The following PDE4D variants were observed in gnomAD, a reference collection of about 807,000 sequenced individuals.
The protein encoded by PDE4D is 3',5'-cyclic-AMP phosphodiesterase 4D.
Under a neutral mutation model 87.4 loss-of-function variants are expected in PDE4D, and 24 were observed. The ratio of observed to expected loss-of-function variants is 0.27; its 90% confidence interval spans 0.20 to 0.39. The LOEUF (loss-of-function observed/expected upper bound fraction) is 0.39. Ranked by LOEUF, PDE4D falls within the 10% of genes least tolerant of loss-of-function variation. The pLI is 1.00. For missense variants in PDE4D, 714 were observed against 1,041.0 expected (o/e 0.69, Z 4.32); for synonymous variants, 384 against 383.2 (o/e 1.00, Z -0.02).
intron 1 of PDE4D, among the ~76,000 whole-genome samples, chr5:60,220,539 C>T (rs745749124): frequency 2.0e-5 from 3 of 152,106 alleles, no homozygotes; most frequent in Non-Finnish European, 4.4e-5. Flanking sequence ...GAGATTTTTA[C>T]ATTCTCCCTC....
chr5:59,338,343 T>A (rs1443116520), intron 1 of PDE4D, among the ~76,000 whole-genome samples: 1 of 152,186 alleles, frequency 6.6e-6, no homozygotes, highest in African/African-American at 2.4e-5. Flanking sequence ...AATAACAAGT[T>A]TCATTAGCGC....
At chr5:59,528,735 G>A (rs1310227616) in intron 1 of PDE4D, 1 of 167,916 alleles carries the variant, frequency 6.0e-6, no homozygotes, top group Non-Finnish European at 1.3e-5. Context: ...GAAAAGGAAA[G>A]AGATGTGATG....
chr5:59,752,805 G>A (rs78365854), intron 1 of PDE4D, among the ~76,000 whole-genome samples: 2 of 152,106 alleles, frequency 1.3e-5, no homozygotes, highest in African/African-American at 4.8e-5. Flanking sequence ...GCTTCAAAAC[G>A]AAGGATGTGA....
chr5:59,664,522 G>C (rs1346537524), intron 1 of PDE4D, among the ~76,000 whole-genome samples: 2 of 152,126 alleles, frequency 1.3e-5, no homozygotes, highest in Admixed American at 6.6e-5. Flanking sequence ...AAATTTAGCA[G>C]ACAGGAGAAA....
chr5:60,255,995 T>G (rs960121152), intron 1 of PDE4D, among the ~76,000 whole-genome samples: 1 of 151,948 alleles, frequency 6.6e-6, no homozygotes, highest in Non-Finnish European at 1.5e-5. Context: ...CCTGGACACA[T>G]TTGTTGTCAA....
At chr5:59,271,866 A>G (rs974271955) in intron 1 of PDE4D, among the ~76,000 whole-genome samples, 1 of 151,850 alleles carries the variant, frequency 6.6e-6, no homozygotes, top group Non-Finnish European at 1.5e-5. Context: ...CAATATGCAA[A>G]TACAGTGAAG....
intron 1 of PDE4D, among the ~76,000 whole-genome samples, chr5:60,298,615 CA>C (rs1386367302): frequency 1.3e-5 from 2 of 152,156 alleles, no homozygotes; most frequent in Admixed American, 6.5e-5. Context: ...CTGTGTTTTT[CA>C]CATCAATTTT....
At chr5:59,200,688 CATATGTGTATGTATAGATACACGTATACA>C (rs1747084940) in intron 2 of PDE4D, among the ~76,000 whole-genome samples, 2 of 93,266 alleles carry the variant, frequency 2.1e-5, no homozygotes, top group Non-Finnish European at 4.5e-5. Flanking sequence ...CGTATACATA[CATATGTGTATGTATAGATACACGTATACA>C]TACATATGTG....
intron 1 of PDE4D, among the ~76,000 whole-genome samples, chr5:60,294,993 G>A (rs1355516301): frequency 1.3e-5 from 2 of 152,038 alleles, no homozygotes; most frequent in Admixed American, 6.5e-5. Context: ...TCTGATCAAT[G>A]AGCAAAGTAT....
chr5:59,976,747 T>C (rs528797246), intron 3 of PDE4D, among the ~76,000 whole-genome samples: 3 of 152,360 alleles, frequency 2.0e-5, no homozygotes, highest in African/African-American at 7.2e-5. Flanking sequence ...AGCAAGTCTA[T>C]TGGCACCATT....
At chr5:59,348,381 A>G (rs987462407) in intron 1 of PDE4D, among the ~76,000 whole-genome samples, 4 of 152,126 alleles carry the variant, frequency 2.6e-5, no homozygotes, top group Non-Finnish European at 5.9e-5. Flanking sequence ...GCTGTTTGAA[A>G]TGGGCAGGTG....
intron 1 of PDE4D, among the ~76,000 whole-genome samples, chr5:59,555,090 T>A (rs924785378): frequency 1.3e-5 from 2 of 152,070 alleles, no homozygotes; most frequent in Non-Finnish European, 2.9e-5. Flanking sequence ...AGCAAAGACA[T>A]GGAATCAACC....
At chr5:60,379,123 C>A (rs774609242) in intron 1 of PDE4D, among the ~76,000 whole-genome samples, 3 of 151,636 alleles carry the variant, frequency 2.0e-5, no homozygotes, top group Non-Finnish European at 2.9e-5. Flanking sequence ...ATAGGCAATG[C>A]TCCCTATTGG....
At chr5:59,386,330 T>C (rs929952100) in intron 1 of PDE4D, among the ~76,000 whole-genome samples, 1 of 152,180 alleles carries the variant, frequency 6.6e-6, no homozygotes, top group Non-Finnish European at 1.5e-5. Context: ...AGAAAAAGAC[T>C]AGAGAGTCAA....
chr5:60,030,725 T>G (rs893391150), intron 2 of PDE4D: 4 of 152,164 alleles, frequency 2.6e-5, no homozygotes, highest in Non-Finnish European at 5.9e-5. Flanking sequence ...ATAACAAAAT[T>G]GCACATATAC....
At chr5:59,975,115 A>C (rs544974704) in intron 3 of PDE4D, among the ~76,000 whole-genome samples, 2 of 152,064 alleles carry the variant, frequency 1.3e-5, no homozygotes, top group South Asian at 4.2e-4. Context: ...ATGCCAATCA[A>C]CTCTACTTCC....
At chr5:60,439,911 T>C (rs1437825534) in intron 1 of PDE4D, among the ~76,000 whole-genome samples, 1 of 134,380 alleles carries the variant, frequency 7.4e-6, no homozygotes, top group Non-Finnish European at 1.6e-5. Context: ...AGGCTTTCCA[T>C]TGTTTAAAAA....
chr5:60,476,806 T>A (rs1748368388), intron 1 of PDE4D, among the ~76,000 whole-genome samples: 1 of 152,144 alleles, frequency 6.6e-6, no homozygotes. Context: ...CCGCCATCAT[T>A]CCCTTTCTGC....
chr5:59,172,739 T>C (rs905684032), intron 5 of PDE4D: 2 of 151,580 alleles, frequency 1.3e-5, no homozygotes, highest in African/African-American at 4.8e-5. Context: ...AAATAAAAAA[T>C]ATAAAGGCTT....
Sources: allele counts gnomAD v4.1 joint callset (sites outside exome capture counted in the v4.1 genomes callset), GRCh38; gene constraint gnomAD v4.1.1; transcripts MANE v1.5; gene names NCBI Gene and HGNC (gene_info 2026-07-23, HGNC 2026-07-21).